The following ARMC8 variants were observed in gnomAD, a reference collection of about 807,000 sequenced individuals.
ARMC8 encodes the protein armadillo repeat-containing protein 8.
A neutral mutation model predicts 99.3 loss-of-function variants in ARMC8; 20 were observed. That is an observed-to-expected ratio of 0.20 (90% confidence interval 0.14 to 0.29). The LOEUF (loss-of-function observed/expected upper bound fraction) is 0.29, where lower values mean the gene tolerates loss of function less well. ARMC8 is among the 10% of genes least tolerant of loss of function. The pLI, the probability that ARMC8 is intolerant of heterozygous loss-of-function variation, is 1.00. For synonymous variants in ARMC8, 263 were observed against 278.3 expected, an observed-to-expected ratio of 0.95 and a Z score of 0.55; for missense variants, 569 against 809.5, an observed-to-expected ratio of 0.70 and a Z score of 3.60.
intron 14 of ARMC8, among the ~76,000 whole-genome samples, chr3:138,265,449 A>G (rs2048187376): frequency 6.6e-6 from 1 of 152,092 alleles, no homozygotes; most frequent in South Asian, 2.1e-4. Flanking sequence ...GTTTTTGCAT[A>G]CCTGCTATGT....
chr3:138,246,510 A>C, intron 12 of ARMC8: 1 of 985,730 alleles, frequency 1.0e-6, no homozygotes, highest in South Asian at 4.7e-5. Context: ...TTTTTAAAAA[A>C]TTGGACTGTG....
At chr3:138,270,254 G>A (rs1027943069) in intron 16 of ARMC8, 122 bp downstream of exon 16, 2 of 771,910 alleles carry the variant, frequency 2.6e-6, no homozygotes, top group Non-Finnish European at 4.1e-6. Flanking sequence ...TGGCTATTTT[G>A]TTCTAGTTTT....
At chr3:138,234,885 C>A in intron 6 of ARMC8, 149 bp from the exon 7 acceptor site, 1 of 613,004 alleles carries the variant, frequency 1.6e-6, no homozygotes, top group Non-Finnish European at 2.8e-6. Flanking sequence ...AGTGTTTGTG[C>A]TGCTTTTTGA....
At chr3:138,275,389 C>T (rs1242491230) in intron 18 of ARMC8, among the ~76,000 whole-genome samples, 1 of 152,102 alleles carries the variant, frequency 6.6e-6, no homozygotes, top group Non-Finnish European at 1.5e-5. Context: ...AACCCCATCT[C>T]TACTAAAAAA....
At chr3:138,222,220 TCAGGAAGAC>T (rs2045441183) in intron 3 of ARMC8, among the ~76,000 whole-genome samples, 1 of 152,198 alleles carries the variant, frequency 6.6e-6, no homozygotes, top group Non-Finnish European at 1.5e-5. Context: ...TTTTGGAAAC[TCAGGAAGAC>T]CTTTGACCTG....
intron 1 of ARMC8, among the ~76,000 whole-genome samples, chr3:138,198,537 A>T (rs770611736): frequency 6.6e-6 from 1 of 151,360 alleles, no homozygotes; most frequent in Non-Finnish European, 1.5e-5. Flanking sequence ...TTTGAGACAG[A>T]TTCTCACTCT....
At chr3:138,281,538 G>A (rs2049929997) in intron 18 of ARMC8, among the ~76,000 whole-genome samples, 2 of 152,128 alleles carry the variant, frequency 1.3e-5, no homozygotes, top group South Asian at 4.2e-4. Flanking sequence ...TAATCCACCC[G>A]CTTTGGTCTC....
intron 12 of ARMC8, among the ~76,000 whole-genome samples, chr3:138,260,569 G>A (rs902983084): frequency 2.0e-5 from 3 of 152,126 alleles, no homozygotes; most frequent in Admixed American, 6.5e-5. Flanking sequence ...CCCATACTAA[G>A]CTTGTAGAAT....
chr3:138,284,477 A>T lies in ARMC8; in HGVS notation c.1772A>T (p.Asp591Val), dbSNP rs2050216490. 6.2e-7 allele frequency: 1 copy of T among 1,613,744 alleles called. No individual in the cohort carries two copies. The highest frequency in any genetic ancestry group is 1.3e-5 in the African/African-American group (1 of 74,932). Residue 591 changes from aspartate to valine, a missense_variant, in exon 19 of 22, where the codon GAT becomes GTT. By Grantham distance (152) the Asp-to-Val change is radical (BLOSUM62 -3). Around this residue, in one of 2 missense-constraint regions of ARMC8, gnomAD observed 227 missense variants for 417.9 expected, o/e 0.54. Transcript: ENST00000469044. Reference protein sequence around the residue: ...ANIADGTTAKDLIMTNDDILQ... With the variant: ...ANIADGTTAKVLIMTNDDILQ... ...ATAGCGGATGGGACAACAGCAAAAG[A>T]TCTTATTATGACCAATGATGATATC...
intron 18 of ARMC8, among the ~76,000 whole-genome samples, chr3:138,283,284 A>G (rs1158106043): frequency 6.6e-6 from 1 of 152,194 alleles, no homozygotes; most frequent in East Asian, 1.9e-4. Flanking sequence ...CAATTAGCTT[A>G]ATTAGCTTGT....
intron 1 of ARMC8, among the ~76,000 whole-genome samples, chr3:138,196,612 TA>T (rs1157007969): frequency 6.6e-6 from 1 of 152,158 alleles, no homozygotes; most frequent in Non-Finnish European, 1.5e-5. Flanking sequence ...TTCACGCCTG[TA>T]ATCCCAGCAC....
intron 21 of ARMC8, among the ~76,000 whole-genome samples, chr3:138,291,715 T>C (rs1375752028): frequency 1.3e-5 from 2 of 152,222 alleles, no homozygotes; most frequent in Non-Finnish European, 2.9e-5. Flanking sequence ...ATCAGAGACC[T>C]GAATGAAATA....
At chr3:138,288,670 G>A (rs1230204673) in intron 19 of ARMC8, among the ~76,000 whole-genome samples, 3 of 131,284 alleles carry the variant, frequency 2.3e-5, no homozygotes, top group African/African-American at 5.8e-5. Context: ...ACGGAGTCTC[G>A]CTCTGTCACC....
At chr3:138,250,450 A>C (rs2047071604) in intron 12 of ARMC8, among the ~76,000 whole-genome samples, 1 of 152,180 alleles carries the variant, frequency 6.6e-6, no homozygotes, top group Non-Finnish European at 1.5e-5. Context: ...TTCCAGTAAA[A>C]GAAGTTATGT....
chr3:138,259,407 G>A (rs761607357), intron 12 of ARMC8, among the ~76,000 whole-genome samples: 10 of 152,072 alleles, frequency 6.6e-5, no homozygotes, highest in Admixed American at 2.6e-4. Flanking sequence ...ATACACAGAC[G>A]GTCTCCATGC....
At chr3:138,224,363 G>A (rs1240855477) in intron 5 of ARMC8, among the ~76,000 whole-genome samples, 1 of 152,218 alleles carries the variant, frequency 6.6e-6, no homozygotes, top group East Asian at 1.9e-4. Context: ...GATTGCTTGA[G>A]CCTAGGAGTT....
At chr3:138,257,774 T>G (rs986684399) in intron 12 of ARMC8, among the ~76,000 whole-genome samples, 8 of 152,220 alleles carry the variant, frequency 5.3e-5, no homozygotes, top group Admixed American at 4.6e-4. Context: ...TTGACACTTA[T>G]GAGACTAAAT....
intron 10 of ARMC8, among the ~76,000 whole-genome samples, chr3:138,240,900 A>T (rs1461562136): frequency 6.6e-6 from 1 of 152,190 alleles, no homozygotes; most frequent in Non-Finnish European, 1.5e-5. Context: ...AAAATAAAAA[A>T]TTAGCCAGGA....
At chr3:138,255,266 G>A (rs1272705010) in intron 12 of ARMC8, among the ~76,000 whole-genome samples, 3 of 145,944 alleles carry the variant, frequency 2.1e-5, no homozygotes, top group Non-Finnish European at 3.0e-5. Context: ...GCAGTGGCGT[G>A]ATCTCGGCTC....
Sources: gnomAD v4.1 joint callset for allele counts (sites outside exome capture counted in the v4.1 genomes callset) on GRCh38, gnomAD v4.1.1 for gene constraint, gnomAD v4.1.1 regional missense constraint, MANE v1.5 for transcripts, NCBI Gene and HGNC (gene_info 2026-07-23, HGNC 2026-07-21) for gene names.